Variants in CFAP299 observed in about 807,000 individuals in gnomAD.
CFAP299 encodes cilia- and flagella-associated protein 299.
Under a neutral mutation model 27.0 loss-of-function variants are expected in CFAP299, and 21 were observed. The ratio of observed to expected loss-of-function variants is 0.78; its 90% CI spans 0.55 to 1.12. The LOEUF is 1.12. CFAP299 is among the 50% of genes most tolerant of loss of function. CFAP299 has a pLI of 0.00. For missense variants in CFAP299, 310 were observed against 276.6 expected (o/e 1.12, Z -0.86); for synonymous variants, 104 against 98.1 (o/e 1.06, Z -0.36).
chr4:80,749,339 A>T (rs937760043), intron 3 of CFAP299, among the ~76,000 whole-genome samples: 7 of 152,176 alleles, frequency 4.6e-5, no homozygotes, highest in Admixed American at 2.0e-4. Context: ...CATAAGAATT[A>T]AAAAAATTCA....
At chr4:80,645,064 G>A (rs543632704) in intron 3 of CFAP299, among the ~76,000 whole-genome samples, 1 of 152,022 alleles carries the variant, frequency 6.6e-6, no homozygotes, top group Admixed American at 6.6e-5. Context: ...GAGTTTCAGA[G>A]TACCTTACTT....
intron 3 of CFAP299, among the ~76,000 whole-genome samples, chr4:80,632,538 T>C (rs1388575759): frequency 6.6e-6 from 1 of 152,128 alleles, no homozygotes; most frequent in Non-Finnish European, 1.5e-5. Flanking sequence ...ATCATGGAAA[T>C]TACTACTGAG....
intron 3 of CFAP299, among the ~76,000 whole-genome samples, chr4:80,732,107 G>A (rs1360283497): frequency 1.3e-5 from 2 of 150,928 alleles, no homozygotes; most frequent in Non-Finnish European, 3.0e-5. Flanking sequence ...ACAGTGTTGT[G>A]TGTTTTGAGT....
intron 3 of CFAP299, among the ~76,000 whole-genome samples, chr4:80,787,424 C>A (rs1214910124): frequency 6.6e-6 from 1 of 151,574 alleles, no homozygotes; most frequent in African/African-American, 2.4e-5. Flanking sequence ...ATTCAGTCAC[C>A]TTTCTTTAAA....
At chr4:80,389,188 G>A (rs1429938934) in intron 2 of CFAP299, among the ~76,000 whole-genome samples, 1 of 152,042 alleles carries the variant, frequency 6.6e-6, no homozygotes, top group African/African-American at 2.4e-5. Context: ...TGCTGGATTG[G>A]GTTAGATAAT....
intron 2 of CFAP299, among the ~76,000 whole-genome samples, chr4:80,510,871 C>A (rs1241726491): frequency 6.6e-6 from 1 of 152,172 alleles, no homozygotes; most frequent in Non-Finnish European, 1.5e-5. Context: ...TGGCCCCCAG[C>A]CTCCTGACAT....
At chr4:80,484,468 C>A (rs113736731) in intron 2 of CFAP299, among the ~76,000 whole-genome samples, 1 of 152,080 alleles carries the variant, frequency 6.6e-6, no homozygotes, top group Non-Finnish European at 1.5e-5. Flanking sequence ...TCTTATCCAT[C>A]CTTTGCTGAG....
intron 3 of CFAP299, among the ~76,000 whole-genome samples, chr4:80,618,776 T>C (rs1363218076): frequency 1.3e-5 from 2 of 152,016 alleles, no homozygotes; most frequent in Admixed American, 1.3e-4. Flanking sequence ...TGAGGATAAG[T>C]TGGCTAATAA....
At chr4:80,888,584 A>C (rs1560463841) in intron 4 of CFAP299, among the ~76,000 whole-genome samples, 1 of 152,098 alleles carries the variant, frequency 6.6e-6, no homozygotes, top group Non-Finnish European at 1.5e-5. Flanking sequence ...ATCAACAAGG[A>C]AACATCGGAC....
In CFAP299 at chr4:80,335,880, G is replaced by A. The variant is rs1560517782; in HGVS notation, c.111+1G>A. 2 of 1,590,874 alleles carry A rather than the reference G, an allele frequency of 1.3e-6. No homozygotes were observed. Among genetic ancestry groups the A allele is most frequent in the Admixed American group, 1.7e-5 (1 of 59,986 alleles). ...TACTGTGGACTTGTACTACCTGGAG[G>A]TAAGGGCGGAGCGCGGCAGAGTAGC... On this transcript the variant is annotated splice_donor_variant, in intron 1 of 5. Transcript: ENST00000358105. LOFTEE classifies it high-confidence loss of function.
intron 2 of CFAP299, among the ~76,000 whole-genome samples, chr4:80,544,817 G>C (rs888778406): frequency 3.9e-4 from 60 of 152,186 alleles, no homozygotes; most frequent in African/African-American, 1.3e-3. Flanking sequence ...AGGCAGAAAA[G>C]TAACAAAGAT....
At chr4:80,943,819 A>C (rs1314636775) in intron 4 of CFAP299, among the ~76,000 whole-genome samples, 2 of 152,134 alleles carry the variant, frequency 1.3e-5, no homozygotes, top group African/African-American at 4.8e-5. Context: ...CTGTAATCCC[A>C]ACACTTTGGG....
intron 3 of CFAP299, among the ~76,000 whole-genome samples, chr4:80,768,752 C>G (rs1480636644): frequency 6.6e-6 from 1 of 152,106 alleles, no homozygotes; most frequent in Non-Finnish European, 1.5e-5. Flanking sequence ...AGTTTCTACT[C>G]TGTAATAGGC....
At chr4:80,792,915 T>C (rs748288249) in intron 3 of CFAP299, among the ~76,000 whole-genome samples, 3 of 152,098 alleles carry the variant, frequency 2.0e-5, no homozygotes, top group Non-Finnish European at 4.4e-5. Context: ...AATCTAATAA[T>C]ATCCAGTTTG....
At chr4:80,427,829 C>A (rs1316968652) in intron 2 of CFAP299, among the ~76,000 whole-genome samples, 2 of 152,040 alleles carry the variant, frequency 1.3e-5, no homozygotes, top group African/African-American at 4.8e-5. Flanking sequence ...CTTAGAATTT[C>A]TTTATTTTTA....
At chr4:80,687,193 C>T (rs1213406219) in intron 3 of CFAP299, among the ~76,000 whole-genome samples, 8 of 152,176 alleles carry the variant, frequency 5.3e-5, no homozygotes, top group Admixed American at 4.6e-4. Context: ...TGAGCTCTCT[C>T]AATTCAACTT....
intron 3 of CFAP299, among the ~76,000 whole-genome samples, chr4:80,590,143 T>C (rs574157779): frequency 5.3e-5 from 8 of 152,238 alleles, no homozygotes; most frequent in Admixed American, 3.3e-4. Flanking sequence ...CATAGGATCA[T>C]CTCAAAGACA....
chr4:80,388,487 T>C lies in CFAP299; in HGVS notation c.242+25603T>C, dbSNP rs555051825. 27 of 1,335,096 alleles carry C rather than the reference T, an allele frequency of 2.0e-5. No homozygotes were observed. In the African/African-American group the frequency reaches 3.9e-4, roughly 20 times the overall value. 82.7% of individuals were successfully genotyped at this position (1,335,096 alleles called of 1,614,324 possible). A position where few individuals can be genotyped will look rare whatever the true frequency, so the allele number is the denominator to read the frequency against. On this transcript the variant is annotated intron_variant, in intron 2 of 5. Coordinates refer to ENST00000358105, the MANE Select transcript of CFAP299 (RefSeq NM_152770.3). ...TGTGTCCAGGTCGGGGGCATTTCTTTGGCACTGTTCCCGCTTGTGGGTCAT... is the reference window on the plus strand; with the variant it reads ...TGTGTCCAGGTCGGGGGCATTTCTTCGGCACTGTTCCCGCTTGTGGGTCAT...
chr4:80,949,854 T>C (rs895473280), intron 5 of CFAP299, among the ~76,000 whole-genome samples: 2 of 152,048 alleles, frequency 1.3e-5, no homozygotes, highest in Admixed American at 1.3e-4. Flanking sequence ...CCAAGCATCT[T>C]GTGCAGAGAA....
Sources: allele counts gnomAD v4.1 joint callset (sites outside exome capture counted in the v4.1 genomes callset), GRCh38; gene constraint gnomAD v4.1.1; transcripts MANE v1.5; gene names NCBI Gene and HGNC (gene_info 2026-07-23, HGNC 2026-07-21).